Variants in NREP observed in about 807,000 individuals in gnomAD.
NREP encodes the protein neuronal regeneration related protein.
NREP carries 5 observed loss-of-function variants against 8.6 expected under a neutral mutation model. The ratio of observed to expected loss-of-function variants is 0.58; its 90% CI spans 0.30 to 1.22. NREP has a LOEUF of 1.22. Among genes scored for constraint, NREP ranks in the 50% most tolerant of loss-of-function variants. The probability of loss-of-function intolerance (pLI) is 0.07; values close to 1 mark genes in which losing one functional copy is unlikely to be tolerated. For missense variants in NREP, 86 were observed against 82.5 expected, an observed-to-expected ratio of 1.04 and a Z score of -0.17; for synonymous variants, 27 against 28.0, an observed-to-expected ratio of 0.96 and a Z score of 0.11.
At chr5:111,739,487 A>G (rs537818346) in intron 2 of NREP, 1 of 152,316 alleles carries the variant, frequency 6.6e-6, no homozygotes, top group African/African-American at 2.4e-5. Context: ...CAATGACCCT[A>G]TCACTGAAGC....
At chr5:111,905,583 G>A (rs538443102) in intron 2 of NREP, among the ~76,000 whole-genome samples, 178 of 152,130 alleles carry the variant, frequency 1.2e-3, no homozygotes, top group African/African-American at 4.1e-3. Context: ...TTGAAAGTAC[G>A]TTTGCTACTG....
At chr5:111,776,991 G>GAGT (rs1751376905) in intron 2 of NREP, among the ~76,000 whole-genome samples, 1 of 1,104 alleles carries the variant, frequency 9.1e-4, no homozygotes, top group Admixed American at 0.05. Context: ...GAAAAAGGAT[G>GAGT]AGGAGGAGGA....
At chr5:111,809,694 A>G (rs1459161298) in intron 2 of NREP, among the ~76,000 whole-genome samples, 2 of 152,162 alleles carry the variant, frequency 1.3e-5, no homozygotes, top group African/African-American at 4.8e-5. Flanking sequence ...AGCCAAGGCC[A>G]CGCCCTTGAA....
chr5:111,879,020 G>T (rs567395822), intron 2 of NREP, among the ~76,000 whole-genome samples: 24 of 152,314 alleles, frequency 1.6e-4, no homozygotes, highest in Non-Finnish European at 3.1e-4. Flanking sequence ...TGGCTTAATG[G>T]AAGATGTTTG....
At chr5:111,950,601 G>A (rs1416265461) in intron 2 of NREP, among the ~76,000 whole-genome samples, 2 of 151,658 alleles carry the variant, frequency 1.3e-5, no homozygotes, top group Non-Finnish European at 2.9e-5. Context: ...TCATCAGAGT[G>A]AACAGGCAAC....
rs1756338372 is a variant in NREP at position 111,956,936 on chromosome 5, C to G, written c.135+18338G>C. On this transcript the variant is annotated intron_variant, in intron 2 of 3. Transcript: ENST00000395634. ...CAGAGATTGCACCACTGCACTCCAGCCTGGATGACACAATGAGACCATGTC... is the reference window on the plus strand; with the variant it reads ...CAGAGATTGCACCACTGCACTCCAGGCTGGATGACACAATGAGACCATGTC... 2.0e-5 allele frequency among the ~76,000 whole-genome samples: 3 copies of G among 150,264 alleles called. 1 individual carries two copies. The South Asian group carries it at 6.3e-4, about 32-fold the overall frequency.
At chr5:111,935,419 T>A (rs1561355236) in intron 2 of NREP, among the ~76,000 whole-genome samples, 1 of 151,984 alleles carries the variant, frequency 6.6e-6, no homozygotes, top group Non-Finnish European at 1.5e-5. Context: ...GACCAAGGAC[T>A]GAGGACTAGA....
At chr5:111,861,712 T>G (rs1332198205) in intron 2 of NREP, among the ~76,000 whole-genome samples, 2 of 152,194 alleles carry the variant, frequency 1.3e-5, no homozygotes, top group Admixed American at 1.3e-4. Context: ...TTGCTTTAGA[T>G]GTAGGAATAT....
rs541937252 is a variant in NREP at position 111,796,279 on chromosome 5, G to T, written c.136-60772C>A. On this transcript the variant is annotated intron_variant, in intron 2 of 3. Coordinates refer to the NREP transcript ENST00000395634. ...TCACACCTCCTGCTCTGACTCTTTT[G>T]CCTCCTTCTTTCATCTTTTAAGGAC... Among the ~76,000 whole-genome samples the T allele has an allele frequency of 5.3e-5, 8 of 152,108 alleles. No homozygotes were observed. The East Asian group carries it at 1.5e-3, about 29-fold the overall frequency.
At chr5:111,976,675 T>G in intron 1 of NREP, 1 of 1,523,516 alleles carries the variant, frequency 6.6e-7, no homozygotes, top group African/African-American at 1.4e-5. Flanking sequence ...AAATGTCCCC[T>G]CATATGCATA....
At chr5:111,940,435 C>T (rs1488785293) in intron 2 of NREP, among the ~76,000 whole-genome samples, 1 of 152,028 alleles carries the variant, frequency 6.6e-6, no homozygotes, top group Non-Finnish European at 1.5e-5. Flanking sequence ...GTCGTACTGG[C>T]AAGGAGATCA....
intron 2 of NREP, among the ~76,000 whole-genome samples, chr5:111,863,829 G>A (rs1753605049): frequency 4.6e-5 from 7 of 152,040 alleles, no homozygotes. Context: ...GAAACTCAAT[G>A]GGGAGCTATC....
At chr5:111,747,011 A>G (rs1366663206) in intron 2 of NREP, among the ~76,000 whole-genome samples, 2 of 152,168 alleles carry the variant, frequency 1.3e-5, no homozygotes, top group East Asian at 3.9e-4. Flanking sequence ...CTGACACTCA[A>G]CAATGTCTGG....
intron 2 of NREP, among the ~76,000 whole-genome samples, chr5:111,812,498 T>C (rs1483317348): frequency 6.6e-6 from 1 of 152,194 alleles, no homozygotes; most frequent in Non-Finnish European, 1.5e-5. Context: ...AAAATTGCTT[T>C]GGAATTATTA....
At chr5:111,883,209 A>G (rs886657294) in intron 2 of NREP, among the ~76,000 whole-genome samples, 13 of 152,196 alleles carry the variant, frequency 8.5e-5, no homozygotes, top group Middle Eastern at 3.2e-3. Flanking sequence ...TTAAACCAGC[A>G]AAGATCAAAA....
At chr5:111,851,763 G>A (rs572326265) in intron 2 of NREP, among the ~76,000 whole-genome samples, 1 of 152,194 alleles carries the variant, frequency 6.6e-6, no homozygotes, top group East Asian at 1.9e-4. Flanking sequence ...AATGCTAAGA[G>A]TAAATTTTAA....
At chr5:111,917,297 C>T (rs1270898328) in intron 2 of NREP, among the ~76,000 whole-genome samples, 1 of 152,122 alleles carries the variant, frequency 6.6e-6, no homozygotes, top group Non-Finnish European at 1.5e-5. Flanking sequence ...ATAGCTGGTA[C>T]CATTCTTTCT....
rs998651216 is a variant in NREP at position 111,778,840 on chromosome 5, T to C, written c.136-43333A>G. Among the ~76,000 whole-genome samples, 4 of 152,188 alleles carry C rather than the reference T, an allele frequency of 2.6e-5. No homozygotes were observed. In the East Asian group the frequency reaches 7.7e-4, roughly 29 times the overall value. ...ACTACATGTAAAATATCTTCAGAGATACTTCAACAGCATACGATGATTTTT... is the reference window on the plus strand; with the variant it reads ...ACTACATGTAAAATATCTTCAGAGACACTTCAACAGCATACGATGATTTTT... On this transcript the variant is annotated intron_variant, in intron 2 of 3. Coordinates refer to the NREP transcript ENST00000395634.
Position 111,860,274 on chromosome 5 carries a change from G to A in NREP, c.135+115000C>T, listed in dbSNP as rs145667715. ...CCCTCAGACTACACTGAAGACCTTAGTGCCCCCTTTGATTGCCTCTTCCCG... is the reference window on the plus strand; with the variant it reads ...CCCTCAGACTACACTGAAGACCTTAATGCCCCCTTTGATTGCCTCTTCCCG... On this transcript the variant is annotated intron_variant, in intron 2 of 3. Coordinates refer to the NREP transcript ENST00000395634. Among the ~76,000 whole-genome samples the A allele has an allele frequency of 1.9e-3, 282 of 152,198 alleles. 3 individuals carry two copies. Among genetic ancestry groups the A allele is most frequent in the African/African-American group, 6.2e-3 (259 of 41,544 alleles).
Sources: gnomAD v4.1 joint callset for allele counts (sites outside exome capture counted in the v4.1 genomes callset) on GRCh38, gnomAD v4.1.1 for gene constraint, MANE v1.5 for transcripts, NCBI Gene and HGNC (gene_info 2026-07-23, HGNC 2026-07-21) for gene names.